RANBP2: variants seen among roughly 807,000 people sequenced by gnomAD.
RANBP2 encodes the protein RAN binding protein 2, also known as E3 SUMO-protein ligase RanBP2.
Under a neutral mutation model 303.6 loss-of-function variants are expected in RANBP2, and 57 were observed. The ratio of observed to expected loss-of-function variants is 0.19; its 90% CI spans 0.15 to 0.23. RANBP2 has a LOEUF of 0.23. RANBP2 is among the 10% of genes least tolerant of loss of function. The pLI is 1.00. For synonymous variants in RANBP2, 1,167 were observed against 1,301.5 expected, an observed-to-expected ratio of 0.90 and a Z score of 2.23; for missense variants, 3,138 against 3,780.8, an observed-to-expected ratio of 0.83 and a Z score of 4.46.
the RANBP2 span, among the ~76,000 whole-genome samples, chr2:109,226,418 G>C: frequency 6.6e-6 from 1 of 152,168 alleles, no homozygotes; most frequent in Non-Finnish European, 1.5e-5. Context: ...AGCCATGTGA[G>C]GTCTAATGAC....
At chr2:109,484,293 C>CTGA in the RANBP2 span, among the ~76,000 whole-genome samples, 1 of 152,156 alleles carries the variant, frequency 6.6e-6, no homozygotes, top group Non-Finnish European at 1.5e-5. Flanking sequence ...TCTCGAACTC[C>CTGA]TGACCTGAGG....
At chr2:109,760,480 T>C in the RANBP2 span, 2 of 964,900 alleles carry the variant, frequency 2.1e-6, no homozygotes, top group South Asian at 9.6e-5. Context: ...CGCTGCTCTC[T>C]CTTGAGTGTG....
the RANBP2 span, among the ~76,000 whole-genome samples, chr2:109,683,698 C>G: frequency 6.6e-6 from 1 of 152,034 alleles, no homozygotes; most frequent in South Asian, 2.1e-4. Flanking sequence ...CTTGCAGGAC[C>G]CTTTGCCCAA....
At chr2:109,694,520 G>T in the RANBP2 span, among the ~76,000 whole-genome samples, 1 of 151,140 alleles carries the variant, frequency 6.6e-6, no homozygotes, top group East Asian at 2.0e-4. Flanking sequence ...TCTCCTGCCT[G>T]AACTGGTAAG....
the RANBP2 span, among the ~76,000 whole-genome samples, chr2:109,675,878 T>C: frequency 1.9e-4 from 29 of 152,104 alleles, no homozygotes; most frequent in African/African-American, 6.0e-4. Flanking sequence ...CCCCAGGGTG[T>C]GTCTGGGAGG....
the RANBP2 span, among the ~76,000 whole-genome samples, chr2:108,974,057 C>T: frequency 3.9e-5 from 6 of 151,950 alleles, no homozygotes; most frequent in South Asian, 2.1e-4. Context: ...TGGTCAGGCG[C>T]GGTGGCTCAC....
At chr2:109,031,246 G>A in the RANBP2 span, among the ~76,000 whole-genome samples, 1 of 152,136 alleles carries the variant, frequency 6.6e-6, no homozygotes, top group Non-Finnish European at 1.5e-5. Context: ...CAGTGAGGGG[G>A]GCCTGTTCCT....
At chr2:109,579,954 CT>C in the RANBP2 span, among the ~76,000 whole-genome samples, 1 of 151,660 alleles carries the variant, frequency 6.6e-6, no homozygotes, top group Admixed American at 6.6e-5. Context: ...AACCCTGTCT[CT>C]ACTAAAAATA....
At chr2:109,107,699 T>A in the RANBP2 span, among the ~76,000 whole-genome samples, 1 of 152,230 alleles carries the variant, frequency 6.6e-6, no homozygotes, top group Non-Finnish European at 1.5e-5. Flanking sequence ...TAAATTATTG[T>A]GTTTTTAGCT....
intron 9 of RANBP2, among the ~76,000 whole-genome samples, chr2:108,750,055 G>C (rs1382712473): frequency 6.6e-6 from 1 of 152,240 alleles, no homozygotes; most frequent in Non-Finnish European, 1.5e-5. Context: ...CTGAGGCAGG[G>C]GAATCGCTTC....
the RANBP2 span, among the ~76,000 whole-genome samples, chr2:109,384,570 G>A: frequency 4.6e-5 from 7 of 152,210 alleles, no homozygotes; most frequent in African/African-American, 4.8e-5. Context: ...GAGGACATTG[G>A]CATCTGCTCT....
the RANBP2 span, among the ~76,000 whole-genome samples, chr2:109,706,384 G>T: frequency 3.9e-5 from 6 of 152,224 alleles, no homozygotes; most frequent in African/African-American, 1.4e-4. Context: ...GCCAGGCTCA[G>T]CCCTGCCCTA....
the RANBP2 span, among the ~76,000 whole-genome samples, chr2:109,567,496 A>G: frequency 6.6e-6 from 1 of 152,202 alleles, no homozygotes; most frequent in African/African-American, 2.4e-5. Context: ...TCATGTTTAT[A>G]AAGACAGGGT....
At chr2:108,798,712 C>T in the RANBP2 span, 1 of 56,040 alleles carries the variant, frequency 1.8e-5, no homozygotes, top group South Asian at 4.2e-4. Flanking sequence ...CACGCCTACA[C>T]ACACACACAC....
chr2:108,991,247 AT>A, the RANBP2 span, among the ~76,000 whole-genome samples: 1 of 152,158 alleles, frequency 6.6e-6, no homozygotes, highest in East Asian at 1.9e-4. Flanking sequence ...TATATAATTA[AT>A]TCAGTTGATT....
chr2:109,147,693 G>A, the RANBP2 span, among the ~76,000 whole-genome samples: 622 of 152,152 alleles, frequency 4.1e-3, no homozygotes, highest in Non-Finnish European at 6.7e-3. Flanking sequence ...TATAGTTTCC[G>A]GCTTCTGGGT....
chr2:109,614,854 C>T, the RANBP2 span: 1 of 1,398,786 alleles, frequency 7.1e-7, no homozygotes. Flanking sequence ...CCCGACGCGG[C>T]GGCCCCGGAG....
the RANBP2 span, among the ~76,000 whole-genome samples, chr2:109,513,169 T>G: frequency 6.6e-6 from 1 of 152,132 alleles, no homozygotes; most frequent in Non-Finnish European, 1.5e-5. Context: ...GCCCTGGAAT[T>G]TCTTCCCAAA....
chr2:109,656,743 G>T, the RANBP2 span, among the ~76,000 whole-genome samples: 5 of 152,338 alleles, frequency 3.3e-5, no homozygotes, highest in South Asian at 1.0e-3. Context: ...AAATTAATTT[G>T]CCCTTTGGCG....
Sources: gnomAD v4.1 joint callset for allele counts (sites outside exome capture counted in the v4.1 genomes callset) on GRCh38, gnomAD v4.1.1 for gene constraint, MANE v1.5 for transcripts, NCBI Gene and HGNC (gene_info 2026-07-23, HGNC 2026-07-21) for gene names.